Variants in SHISA9 observed in about 807,000 individuals in gnomAD.
SHISA9 encodes protein shisa-9.
Under a neutral mutation model 38.0 loss-of-function variants are expected in SHISA9, and 13 were observed. The ratio of observed to expected loss-of-function variants is 0.34; its 90% CI spans 0.22 to 0.54. The LOEUF (loss-of-function observed/expected upper bound fraction) is 0.54, where lower values mean the gene tolerates loss of function less well. Ranked by LOEUF, SHISA9 falls within the 20% of genes least tolerant of loss-of-function variation. The probability of loss-of-function intolerance (pLI) is 0.91; values close to 1 mark genes in which losing one functional copy is unlikely to be tolerated. For synonymous variants in SHISA9, 275 were observed against 242.0 expected, an observed-to-expected ratio of 1.14 and a Z score of -1.27; for missense variants, 538 against 575.8, an observed-to-expected ratio of 0.93 and a Z score of 0.67.
chr16:13,139,591 G>A (rs1351542483), intron 2 of SHISA9, among the ~76,000 whole-genome samples: 2 of 151,792 alleles, frequency 1.3e-5, no homozygotes, highest in Non-Finnish European at 2.9e-5. Context: ...TATAAACAGA[G>A]TTGCCCTAGT....
rs1237464394 is a variant in SHISA9, at chr16:12,968,071, T to A, written c.691+51256T>A. Among the ~76,000 whole-genome samples, 2 of 151,716 alleles carry A rather than the reference T, an allele frequency of 1.3e-5. 1 individual carries two copies. Among genetic ancestry groups the A allele is most frequent in the South Asian group, 4.2e-4 (2 of 4,814 alleles). ...CGGATGTGGTGGCACATGCTTGTAA[T>A]CCCAGTTACTTGGGAGGCTGAGGCG... On this transcript the variant is annotated intron_variant, in intron 2 of 4. Transcript: ENST00000558583.
chr16:13,073,071 G>A (rs536323451), intron 2 of SHISA9, among the ~76,000 whole-genome samples: 8 of 152,250 alleles, frequency 5.3e-5, no homozygotes, highest in Middle Eastern at 3.4e-3. Flanking sequence ...GATTACAGAC[G>A]TGAGCTACAA....
chr16:13,166,148 T>C (rs2142016567), intron 2 of SHISA9, among the ~76,000 whole-genome samples: 1 of 152,354 alleles, frequency 6.6e-6, no homozygotes, highest in South Asian at 2.1e-4. Context: ...ATGGATGAGA[T>C]AATCAAGGTC....
At chr16:12,926,863 A>G (rs919897850) in intron 2 of SHISA9, among the ~76,000 whole-genome samples, 20 of 152,338 alleles carry the variant, frequency 1.3e-4, no homozygotes, top group Admixed American at 7.8e-4. Flanking sequence ...TATTTGTCTT[A>G]CACTATAGAT....
chr16:12,904,049 A>T (rs1351507120), intron 1 of SHISA9, among the ~76,000 whole-genome samples: 1 of 152,052 alleles, frequency 6.6e-6, no homozygotes, highest in Non-Finnish European at 1.5e-5. Context: ...TGCTGCACAG[A>T]AGTAAGCTCC....
chr16:12,902,707 C>T (rs917250374), intron 1 of SHISA9, 80 bp downstream of exon 1: 36 of 1,342,220 alleles, frequency 2.7e-5, no homozygotes, highest in Non-Finnish European at 3.5e-5. Context: ...CAGGCAATGG[C>T]GCTCCCCACG....
intron 2 of SHISA9, among the ~76,000 whole-genome samples, chr16:13,014,647 A>T (rs2072719558): frequency 6.6e-6 from 1 of 152,124 alleles, no homozygotes; most frequent in Non-Finnish European, 1.5e-5. Flanking sequence ...CTTTGCACCA[A>T]CCTGAGATGT....
At chr16:13,476,801 T>A in the SHISA9 span, among the ~76,000 whole-genome samples, 1 of 134,118 alleles carries the variant, frequency 7.5e-6, no homozygotes, top group Non-Finnish European at 1.5e-5. Context: ...CAGGCTGGAG[T>A]GCAGTGGCGT....
At chr16:13,374,130 G>C in the SHISA9 span, among the ~76,000 whole-genome samples, 3 of 151,828 alleles carry the variant, frequency 2.0e-5, no homozygotes, top group Admixed American at 2.0e-4. Flanking sequence ...AAATGTCCTG[G>C]CTTATTTCTT....
intron 2 of SHISA9, among the ~76,000 whole-genome samples, chr16:13,123,440 G>T (rs539817567): frequency 2.4e-3 from 362 of 152,314 alleles, no homozygotes; most frequent in Admixed American, 5.0e-3. Flanking sequence ...GCCTGTTAAG[G>T]ATATGAAATA....
the SHISA9 span, among the ~76,000 whole-genome samples, chr16:13,276,299 C>T: frequency 7.2e-6 from 1 of 138,524 alleles, no homozygotes; most frequent in Non-Finnish European, 1.5e-5. Context: ...AGCACAGTTT[C>T]TTTATCCACT....
chr16:12,968,189 CAAAAAAAAAAAA>C (rs200194973), intron 2 of SHISA9, among the ~76,000 whole-genome samples: 10 of 82,050 alleles, frequency 1.2e-4, no homozygotes, highest in Admixed American at 6.0e-4. Context: ...GGCTCCATCT[CAAAAAAAAAAAA>C]AAAAAAAAAA....
chr16:13,376,150 A>G, the SHISA9 span, among the ~76,000 whole-genome samples: 3 of 152,232 alleles, frequency 2.0e-5, no homozygotes, highest in Non-Finnish European at 2.9e-5. Context: ...TCTGCTCATA[A>G]TTGTTCCACA....
rs375699563 is a variant in SHISA9, at chr16:13,101,693, G to A, written c.692-101701G>A. ...GTAGTTTTATTTCTAATTTTTTGAG[G>A]GACCTCCATACTGTTTTCCATAGTA... On this transcript the variant is annotated intron_variant, in intron 2 of 4. Coordinates refer to ENST00000558583, the MANE Select transcript of SHISA9 (RefSeq NM_001145204.3). Among the ~76,000 whole-genome samples the A allele has an allele frequency of 3.3e-4, 50 of 152,214 alleles. No homozygotes were observed. In the South Asian group the frequency reaches 3.3e-3, roughly 10 times the overall value.
the SHISA9 span, among the ~76,000 whole-genome samples, chr16:13,491,346 A>C: frequency 2.6e-5 from 4 of 151,422 alleles, no homozygotes; most frequent in East Asian, 7.7e-4. Flanking sequence ...AAATTGTCCT[A>C]AGCACCTCAA....
At chr16:13,487,978 C>T in the SHISA9 span, among the ~76,000 whole-genome samples, 1 of 152,170 alleles carries the variant, frequency 6.6e-6, no homozygotes, top group East Asian at 1.9e-4. Flanking sequence ...GGATCTCACT[C>T]AATGAGACAA....
At chr16:13,316,924 C>T in the SHISA9 span, among the ~76,000 whole-genome samples, 1 of 152,212 alleles carries the variant, frequency 6.6e-6, no homozygotes, top group Admixed American at 6.5e-5. Context: ...CCTCCTGCAA[C>T]CTGCAAGTCA....
the SHISA9 span, among the ~76,000 whole-genome samples, chr16:13,419,360 A>G: frequency 6.6e-6 from 1 of 152,210 alleles, no homozygotes; most frequent in Non-Finnish European, 1.5e-5. Context: ...AGGTGGTGCA[A>G]TTAAGTTAGG....
chr16:13,485,816 G>A, the SHISA9 span, among the ~76,000 whole-genome samples: 1 of 152,024 alleles, frequency 6.6e-6, no homozygotes, highest in African/African-American at 2.4e-5. Context: ...CCAGCCTCTG[G>A]TAACCAGCAT....
Sources: gnomAD v4.1 joint callset for allele counts (sites outside exome capture counted in the v4.1 genomes callset) on GRCh38, gnomAD v4.1.1 for gene constraint, MANE v1.5 for transcripts, NCBI Gene and HGNC (gene_info 2026-07-23, HGNC 2026-07-21) for gene names.